Variants in NOX5 observed in about 807,000 individuals in gnomAD.
The protein encoded by NOX5 is NADPH oxidase, EF-hand calcium binding domain 5.
A neutral mutation model predicts 85.7 loss-of-function variants in NOX5; 76 were observed. The observed-to-expected ratio is 0.89, with a 90% CI of 0.74 to 1.07. The LOEUF is 1.07. Ranked by LOEUF, NOX5 falls within the 50% of genes least tolerant of loss-of-function variation. NOX5 has a pLI of 0.00. For missense variants in NOX5, 973 were observed against 999.5 expected (o/e 0.97, Z 0.36); for synonymous variants, 405 against 401.4 (o/e 1.01, Z -0.11).
intron 10 of NOX5, among the ~76,000 whole-genome samples, chr15:69,045,115 C>T (rs1201548884): frequency 1.3e-5 from 2 of 152,212 alleles, no homozygotes; most frequent in African/African-American, 2.4e-5. Context: ...TCCCAGGGAT[C>T]GTGGGTCCTT....
At chr15:69,035,064 C>A (rs1400187757) in intron 5 of NOX5, among the ~76,000 whole-genome samples, 2 of 152,144 alleles carry the variant, frequency 1.3e-5, no homozygotes, top group Non-Finnish European at 2.9e-5. Context: ...CTGCGCCTGG[C>A]CCATATATTA....
rs2050847688 is a variant in NOX5, at chr15:69,059,156, G to A, written c.*2460G>A. On this transcript the variant is annotated 3_prime_UTR_variant, in exon 16 of 16. Transcript: ENST00000388866. ...ATATAGTGGGTGGGAGCAGGTGGAA[G>A]GACTTGGACATACGATTCTAAAATC... 1 of 152,192 alleles carries A rather than the reference G, an allele frequency of 6.6e-6. No homozygotes were observed. Among genetic ancestry groups the A allele is most frequent in the Non-Finnish European group, 1.5e-5 (1 of 68,040 alleles). 9.4% of individuals were successfully genotyped at this position (152,192 alleles called of 1,614,324 possible).
Position 69,033,226 on chromosome 15 carries a change from G to T in NOX5, c.804G>T (p.Met268Ile), listed in dbSNP as rs773958315. The change falls in exon 5 of 16, where the codon ATG (methionine) becomes ATT (isoleucine). Residue 268 changes from methionine to isoleucine, a missense_variant. Transcript: ENST00000388866. ...SAHRDLGASVMVAKGCGQCLN... is the reference protein window; with the variant it reads ...SAHRDLGASVIVAKGCGQCLN... ...ACCGGGACCTCGGCGCCAGCGTCAT[G>T]GTGGCCAAGGGCTGCGGCCAGTGCC... is the stretch of plus-strand genomic sequence containing the variant. 6.3e-7 allele frequency: 1 copy of T among 1,598,140 alleles called. No individual in the cohort carries two copies. Among genetic ancestry groups the T allele is most frequent in the East Asian group, 2.2e-5 (1 of 44,812 alleles).
chr15:69,055,553 C>T (rs1411442694), intron 15 of NOX5, 53 bp downstream of exon 15: 22 of 1,586,236 alleles, frequency 1.4e-5, no homozygotes, highest in South Asian at 1.0e-4. Flanking sequence ...GCTGAGAGCT[C>T]GAGGCAGCGG....
At chr15:69,040,021 G>A (rs762255422) in intron 9 of NOX5, among the ~76,000 whole-genome samples, 23 of 152,122 alleles carry the variant, frequency 1.5e-4, no homozygotes, top group Non-Finnish European at 3.4e-4. Context: ...TGGGTGCTGG[G>A]GGTTCTCTGA....
At chr15:69,024,037 T>C (rs1224024309) in intron 1 of NOX5, 1 of 154,346 alleles carries the variant, frequency 6.5e-6, no homozygotes, top group Non-Finnish European at 1.5e-5. Flanking sequence ...GGCTCCCCAA[T>C]ATGTACTGGC....
intron 14 of NOX5, among the ~76,000 whole-genome samples, chr15:69,052,309 A>AT (rs1275669729): frequency 6.6e-6 from 1 of 151,968 alleles, no homozygotes; most frequent in Non-Finnish European, 1.5e-5. Context: ...TGTATTCTAC[A>AT]TTTTTTACTA....
At chr15:69,055,303 C>T (rs1178664476) in intron 14 of NOX5, 31 bp from the exon 15 acceptor site, 1 of 1,609,572 alleles carries the variant, frequency 6.2e-7, no homozygotes, top group Non-Finnish European at 8.5e-7. Context: ...GTACTAGACC[C>T]TCAGTGCAGC....
At chr15:69,016,430 C>T (rs536437252) in intron 1 of NOX5, among the ~76,000 whole-genome samples, 10 of 152,232 alleles carry the variant, frequency 6.6e-5, no homozygotes, top group African/African-American at 2.2e-4. Context: ...CATTTATAGG[C>T]GAGGAGAGAG....
chr15:69,051,951 C>T (rs1027785398), intron 14 of NOX5, among the ~76,000 whole-genome samples: 91 of 152,162 alleles, frequency 6.0e-4, no homozygotes, highest in African/African-American at 2.2e-3. Context: ...TGGTGGCTCA[C>T]GCCTGTAATC....
chr15:69,034,741 TTTTATTTA>T (rs746680673), intron 5 of NOX5, among the ~76,000 whole-genome samples: 2 of 151,978 alleles, frequency 1.3e-5, no homozygotes, highest in African/African-American at 4.8e-5. Context: ...AACAGAGATA[TTTTATTTA>T]TTTATTTATT....
chr15:69,046,827 T>C lies in NOX5; in HGVS notation c.1653T>C (p.Ser551=). 3 of 1,612,348 alleles carry C rather than the reference T, an allele frequency of 1.9e-6. No homozygotes were observed. Among genetic ancestry groups the C allele is most frequent in the Non-Finnish European group, 2.5e-6 (3 of 1,178,432 alleles). The part of the protein sequence containing the change: ...MRKSQRSSKG[S]EILLEKHKFC... Reference sequence around the variant, plus strand: ...CTCTGCTCTACTCCCTGCAGGGCTCTGAGATACTTTTGGAGAAACACAAAT... The same window carrying C: ...CTCTGCTCTACTCCCTGCAGGGCTCCGAGATACTTTTGGAGAAACACAAAT... The change falls in exon 11 of 16, where the codon TCT becomes TCC. Residue 551 remains serine (S), a synonymous_variant. Transcript: ENST00000388866.
chr15:69,032,210 T>C (rs1233966650), intron 4 of NOX5, among the ~76,000 whole-genome samples: 1 of 152,178 alleles, frequency 6.6e-6, no homozygotes, highest in African/African-American at 2.4e-5. Context: ...ATTAATGCAG[T>C]GAATGAGGTC....
chr15:69,018,493 T>C (rs948172489), intron 1 of NOX5, among the ~76,000 whole-genome samples: 5 of 152,112 alleles, frequency 3.3e-5, no homozygotes. Flanking sequence ...CCTAGGGAGA[T>C]GCTGACAGTG....
chr15:69,036,004 C>A, intron 7 of NOX5, 68 bp downstream of exon 7: 1 of 1,590,486 alleles, frequency 6.3e-7, no homozygotes. Context: ...TTCTGTGTCC[C>A]CTCTGATTTA....
chr15:69,047,278 T>C (rs1202952584), intron 11 of NOX5, 135 bp from the exon 12 acceptor site: 1 of 1,180,764 alleles, frequency 8.5e-7, no homozygotes, highest in Non-Finnish European at 1.2e-6. Context: ...TGGGAGCCAC[T>C]TAGACCTGGC....
At chr15:69,054,709 G>T (rs544901617) in intron 14 of NOX5, among the ~76,000 whole-genome samples, 18 of 152,294 alleles carry the variant, frequency 1.2e-4, no homozygotes, top group African/African-American at 3.9e-4. Flanking sequence ...CTGGGAAGCA[G>T]CTCTGTCTGC....
intron 11 of NOX5, chr15:69,047,211 C>T (rs2050684880): frequency 4.6e-6 from 3 of 658,582 alleles, no homozygotes; most frequent in Admixed American, 6.6e-5. Context: ...CACTGTAACA[C>T]CTAGAGCTCT....
At position 69,046,877 on chromosome 15, in the gene NOX5, G is replaced by T. The variant is rs775796281; in HGVS notation, c.1692+11G>T. On this transcript the variant is annotated intron_variant, in intron 11 of 15. Transcript: ENST00000388866. The stretch of plus-strand genomic sequence containing the variant: ...TTCTGTAACATCAAGGTGAGAGGCT[G>T]CAGGGGTGGACGTGAGCAATAATGC... 1 of 1,613,558 alleles carries T rather than the reference G, an allele frequency of 6.2e-7. No homozygotes were observed. The highest frequency in any genetic ancestry group is 1.1e-5 in the South Asian group (1 of 91,010).
Sources: gnomAD v4.1 joint callset for allele counts (sites outside exome capture counted in the v4.1 genomes callset) on GRCh38, gnomAD v4.1.1 for gene constraint, MANE v1.5 for transcripts, NCBI Gene and HGNC (gene_info 2026-07-23, HGNC 2026-07-21) for gene names.